Variants in RGL1 observed in about 807,000 individuals in gnomAD.
RGL1 encodes ral guanine nucleotide dissociation stimulator-like 1.
Under a neutral mutation model 95.2 loss-of-function variants are expected in RGL1, and 24 were observed. The ratio of observed to expected loss-of-function variants is 0.25; its 90% confidence interval spans 0.18 to 0.35. RGL1 has a LOEUF of 0.35. Among genes scored for constraint, RGL1 ranks in the 10% least tolerant of loss-of-function variants. The pLI, the probability that RGL1 is intolerant of heterozygous loss-of-function variation, is 1.00. For synonymous variants in RGL1, 329 were observed against 344.9 expected, an observed-to-expected ratio of 0.95 and a Z score of 0.51; for missense variants, 715 against 936.3, an observed-to-expected ratio of 0.76 and a Z score of 3.08.
chr1:183,879,409 C>G, intron 4 of RGL1, among the ~76,000 whole-genome samples: 1 of 152,182 alleles, frequency 6.6e-6, no homozygotes, highest in East Asian at 1.9e-4. Context: ...TGGGTAATAA[C>G]TTAGTCCAGT....
chr1:183,731,239 A>G lies in RGL1; in HGVS notation c.-32-10887A>G, dbSNP rs571523573. Among the ~76,000 whole-genome samples the G allele has an allele frequency of 3.0e-3, 462 of 152,320 alleles. 3 individuals carry two copies. Among genetic ancestry groups the G allele is most frequent in the Non-Finnish European group, 3.8e-3 (257 of 68,018 alleles). Reference sequence around the variant, plus strand: ...TTTTAAAGAAGGCTTAAAAATAACTAGACTTACAGGTTACCATATTTCTGT... The same window carrying G: ...TTTTAAAGAAGGCTTAAAAATAACTGGACTTACAGGTTACCATATTTCTGT... On this transcript the variant is annotated intron_variant, in intron 1 of 18. Coordinates refer to the RGL1 transcript ENST00000304685.
chr1:183,636,117 G>A (rs992828749), exon 1 of RGL1: 11 of 399,462 alleles, frequency 2.8e-5, no homozygotes, highest in South Asian at 1.2e-4. Flanking sequence ...TCAGATTGGC[G>A]GGGATGGGCA....
At chr1:183,636,318 G>A in exon 1 of RGL1, 1 of 396,552 alleles carries the variant, frequency 2.5e-6, no homozygotes, top group Non-Finnish European at 4.4e-6. Flanking sequence ...TCTAATTGCC[G>A]GAGACATTGC....
intron 2 of RGL1, among the ~76,000 whole-genome samples, chr1:183,779,464 G>A (rs1659786203): frequency 6.6e-6 from 1 of 152,060 alleles, no homozygotes; most frequent in African/African-American, 2.4e-5. Flanking sequence ...GGCCAGGCTG[G>A]TCTTGAACTC....
chr1:183,927,808 A>G lies in RGL1; in HGVS notation c.*1516A>G, dbSNP rs1669697446. Reference sequence around the variant, plus strand: ...CGGAATATGAAGTGCAGATTGTAACATGGAGCTATTTTTTTTTCTTAATCC... The same window carrying G: ...CGGAATATGAAGTGCAGATTGTAACGTGGAGCTATTTTTTTTTCTTAATCC... On this transcript the variant is annotated 3_prime_UTR_variant, in exon 18 of 18. Coordinates refer to ENST00000360851, the MANE Select transcript of RGL1 (RefSeq NM_001297671.3). 1 of 152,632 alleles carries G rather than the reference A, an allele frequency of 6.6e-6. No homozygotes were observed. The allele number at this position is 152,632 out of a possible 1,614,324, so 9.5% of individuals were successfully genotyped here. A position where few individuals can be genotyped will look rare whatever the true frequency, so the allele number is the denominator to read the frequency against.
At chr1:183,789,690 G>A (rs577238019) in intron 2 of RGL1, among the ~76,000 whole-genome samples, 3 of 152,126 alleles carry the variant, frequency 2.0e-5, no homozygotes, top group African/African-American at 7.2e-5. Context: ...ATTTAACCAG[G>A]TATATTAATT....
intron 2 of RGL1, among the ~76,000 whole-genome samples, chr1:183,775,894 A>G (rs1436379747): frequency 6.6e-6 from 1 of 152,200 alleles, no homozygotes; most frequent in Non-Finnish European, 1.5e-5. Context: ...TCCAGGTGGT[A>G]GTAATAGTAC....
Position 183,856,069 on chromosome 1 carries a change from A to T in RGL1, c.347+8295A>T, listed in dbSNP as rs193229223. Among the ~76,000 whole-genome samples, 311 of 152,226 alleles carry T rather than the reference A, an allele frequency of 2.0e-3. 1 individual carries two copies. The highest frequency in any genetic ancestry group is 7.0e-3 in the African/African-American group (291 of 41,536). On this transcript the variant is annotated intron_variant, in intron 3 of 17. Transcript: ENST00000360851. ...CACATCCCATTTATTTAGTAGAAAA[A>T]CTTTCAGGAAATCTTAACATTGCTT...
intron 1 of RGL1, among the ~76,000 whole-genome samples, chr1:183,740,457 A>G (rs1657221339): frequency 6.6e-6 from 1 of 152,216 alleles, no homozygotes; most frequent in Non-Finnish European, 1.5e-5. Context: ...TCCTCTGCAG[A>G]TGATGATTTT....
chr1:183,697,440 T>C (rs1654317997), intron 1 of RGL1, among the ~76,000 whole-genome samples: 1 of 152,260 alleles, frequency 6.6e-6, no homozygotes, highest in African/African-American at 2.4e-5. Flanking sequence ...TTGTCCATCT[T>C]GTCCACTACT....
intron 1 of RGL1, among the ~76,000 whole-genome samples, chr1:183,677,463 G>A (rs941769225): frequency 6.6e-6 from 1 of 152,072 alleles, no homozygotes; most frequent in African/African-American, 2.4e-5. Flanking sequence ...CCATCATTCT[G>A]TTCTGTGAAG....
At chr1:183,718,086 A>T (rs185428553) in intron 1 of RGL1, among the ~76,000 whole-genome samples, 56 of 152,264 alleles carry the variant, frequency 3.7e-4, no homozygotes, top group African/African-American at 1.3e-3. Flanking sequence ...CTCTACTAAA[A>T]ATACAAAAAA....
chr1:183,706,854 G>A (rs1040052680), intron 1 of RGL1, among the ~76,000 whole-genome samples: 4 of 152,198 alleles, frequency 2.6e-5, no homozygotes, highest in African/African-American at 4.8e-5. Context: ...GAAGGCTGTC[G>A]TCAAGCTTCT....
chr1:183,645,003 G>A (rs952424431), intron 1 of RGL1, among the ~76,000 whole-genome samples: 35 of 152,290 alleles, frequency 2.3e-4, no homozygotes, highest in Admixed American at 2.1e-3. Context: ...GGAATGAGAT[G>A]CCTTTGTGCA....
chr1:183,795,959 T>C (rs984050153), intron 2 of RGL1, among the ~76,000 whole-genome samples: 1 of 152,056 alleles, frequency 6.6e-6, no homozygotes, highest in Admixed American at 6.6e-5. Context: ...CCTAAGCATT[T>C]GCAATTCATT....
At chr1:183,708,935 C>G (rs1456249712) in intron 1 of RGL1, among the ~76,000 whole-genome samples, 3 of 152,294 alleles carry the variant, frequency 2.0e-5, no homozygotes, top group African/African-American at 7.2e-5. Flanking sequence ...GTTTGAACCC[C>G]GAGAGCGCGC....
intron 7 of RGL1, among the ~76,000 whole-genome samples, 177 bp from the exon 8 acceptor site, chr1:183,888,297 T>C (rs1254335085): frequency 6.6e-6 from 1 of 152,164 alleles, no homozygotes; most frequent in Non-Finnish European, 1.5e-5. Flanking sequence ...ATCTATAAAG[T>C]GTTTCGATGA....
At chr1:183,884,340 G>A (rs1006728280) in intron 6 of RGL1, among the ~76,000 whole-genome samples, 2 of 152,152 alleles carry the variant, frequency 1.3e-5, no homozygotes, top group African/African-American at 4.8e-5. Context: ...TCATTTCCAC[G>A]TGTGCTTTCT....
intron 1 of RGL1, among the ~76,000 whole-genome samples, chr1:183,653,844 G>T (rs992842714): frequency 6.6e-6 from 1 of 152,126 alleles, no homozygotes; most frequent in Non-Finnish European, 1.5e-5. Context: ...GTGGCTAACG[G>T]AAGAGCCACT....
Sources: allele counts gnomAD v4.1 joint callset (sites outside exome capture counted in the v4.1 genomes callset), GRCh38; gene constraint gnomAD v4.1.1; transcripts MANE v1.5; gene names NCBI Gene and HGNC (gene_info 2026-07-23, HGNC 2026-07-21).